The following ADAM10 variants were observed in gnomAD, a reference collection of about 807,000 sequenced individuals.
ADAM10 encodes ADAM metallopeptidase domain 10.
A neutral mutation model predicts 90.1 loss-of-function variants in ADAM10; 17 were observed. That is an observed-to-expected ratio of 0.19 (90% CI 0.13 to 0.28). The LOEUF (loss-of-function observed/expected upper bound fraction) is 0.28, where lower values mean the gene tolerates loss of function less well. Ranked by LOEUF, ADAM10 falls within the 10% of genes least tolerant of loss-of-function variation. ADAM10 has a pLI of 1.00. For synonymous variants in ADAM10, 310 were observed against 298.6 expected (o/e 1.04, Z -0.40); for missense variants, 610 against 914.3 (o/e 0.67, Z 4.29).
intron 5 of ADAM10, among the ~76,000 whole-genome samples, chr15:58,657,966 A>G (rs1896872978): frequency 6.6e-6 from 1 of 151,242 alleles, no homozygotes; most frequent in African/African-American, 2.4e-5. Context: ...GACATTGTGG[A>G]CATTTTCTCA....
intron 2 of ADAM10, among the ~76,000 whole-genome samples, chr15:58,717,097 T>A (rs936089605): frequency 6.6e-6 from 1 of 152,122 alleles, no homozygotes; most frequent in African/African-American, 2.4e-5. Context: ...TTAACCTCTC[T>A]CCCTTGACTC....
At chr15:58,597,913 TTTC>T (rs1233235915) in intron 15 of ADAM10, among the ~76,000 whole-genome samples, 7 of 152,132 alleles carry the variant, frequency 4.6e-5, no homozygotes, top group Non-Finnish European at 1.0e-4. Flanking sequence ...TAACAAAATA[TTTC>T]TTTTTTTATA....
At chr15:58,614,631 A>G (rs1189910663) in intron 11 of ADAM10, among the ~76,000 whole-genome samples, 1 of 152,186 alleles carries the variant, frequency 6.6e-6, no homozygotes, top group African/African-American at 2.4e-5. Flanking sequence ...CCAAGAGTCT[A>G]TACCCAGCAA....
At chr15:58,619,040 C>A (rs1006775563) in intron 11 of ADAM10, among the ~76,000 whole-genome samples, 41 of 151,958 alleles carry the variant, frequency 2.7e-4, no homozygotes, top group Non-Finnish European at 4.9e-4. Flanking sequence ...AAAAGGGATA[C>A]CTACAGCCCC....
intron 1 of ADAM10, 89 bp from the exon 2 acceptor site, chr15:58,717,816 T>C (rs1898714399): frequency 6.6e-7 from 1 of 1,518,130 alleles, no homozygotes; most frequent in Non-Finnish European, 8.8e-7. Context: ...TATGAATATG[T>C]ATGAAACAAC....
chr15:58,701,014 C>CAAAAAAAAAAAAAAAAAAAAA (rs1257060994), intron 2 of ADAM10, among the ~76,000 whole-genome samples: 1 of 44,924 alleles, frequency 2.2e-5, no homozygotes, highest in Non-Finnish European at 6.1e-5. Flanking sequence ...TAAAAAAAAA[C>CAAAAAAAAAAAAAAAAAAAAA]AAAAAAACAA....
intron 7 of ADAM10, among the ~76,000 whole-genome samples, chr15:58,642,849 C>A (rs1270247157): frequency 6.6e-6 from 1 of 152,102 alleles, no homozygotes; most frequent in Admixed American, 6.5e-5. Flanking sequence ...ATGAACAATT[C>A]TTATACTGTA....
At chr15:58,621,786 G>A (rs1595999607) in intron 10 of ADAM10, among the ~76,000 whole-genome samples, 165 bp from the exon 11 acceptor site, 1 of 152,130 alleles carries the variant, frequency 6.6e-6, no homozygotes, top group East Asian at 1.9e-4. Context: ...TTCTAACAGG[G>A]GGTCTGCTAC....
chr15:58,721,690 G>T, intron 1 of ADAM10, among the ~76,000 whole-genome samples: 1 of 152,020 alleles, frequency 6.6e-6, no homozygotes, highest in East Asian at 1.9e-4. Flanking sequence ...TTCAAGACCA[G>T]CCTAGGCAAC....
At chr15:58,746,449 G>C (rs1326595072) in intron 1 of ADAM10, among the ~76,000 whole-genome samples, 1 of 152,180 alleles carries the variant, frequency 6.6e-6, no homozygotes, top group Admixed American at 6.5e-5. Context: ...CATTAATGTA[G>C]GCAATGGTAC....
intron 5 of ADAM10, among the ~76,000 whole-genome samples, chr15:58,648,543 G>T (rs766408689): frequency 6.6e-6 from 1 of 151,990 alleles, no homozygotes. Context: ...TTTAAAGAAA[G>T]GTTTTAAATA....
chr15:58,735,521 T>C (rs2140842658), intron 1 of ADAM10, among the ~76,000 whole-genome samples: 1 of 152,322 alleles, frequency 6.6e-6, no homozygotes, highest in East Asian at 1.9e-4. Context: ...ATACAACCTA[T>C]GCACATACCC....
chr15:58,675,469 C>T (rs1321945340), intron 4 of ADAM10, among the ~76,000 whole-genome samples: 1 of 152,106 alleles, frequency 6.6e-6, no homozygotes, highest in Admixed American at 6.5e-5. Context: ...ATGTTAATAA[C>T]AATACTATTC....
chr15:58,601,119 T>C (rs1284222414), intron 14 of ADAM10, among the ~76,000 whole-genome samples: 3 of 152,168 alleles, frequency 2.0e-5, no homozygotes, highest in African/African-American at 7.2e-5. Flanking sequence ...TGAAAGAGTC[T>C]CAAACTTAAA....
intron 1 of ADAM10, among the ~76,000 whole-genome samples, chr15:58,724,843 G>C (rs1305084018): frequency 1.3e-5 from 2 of 152,210 alleles, no homozygotes; most frequent in Admixed American, 6.5e-5. Context: ...ACCTTGTAAT[G>C]TATGGAGCAT....
intron 5 of ADAM10, among the ~76,000 whole-genome samples, chr15:58,657,368 C>T (rs766205700): frequency 2.8e-4 from 42 of 152,090 alleles, no homozygotes; most frequent in Middle Eastern, 3.4e-3. Flanking sequence ...TATAGGTGTT[C>T]TTCATTCTTT....
chr15:58,625,898 A>G (rs1895927064), intron 10 of ADAM10, among the ~76,000 whole-genome samples: 1 of 152,230 alleles, frequency 6.6e-6, no homozygotes, highest in African/African-American at 2.4e-5. Flanking sequence ...AGAAAAGGCA[A>G]TTCCAAAAGG....
intron 1 of ADAM10, among the ~76,000 whole-genome samples, chr15:58,744,936 A>G (rs1286392082): frequency 1.3e-5 from 2 of 152,238 alleles, no homozygotes; most frequent in African/African-American, 4.8e-5. Flanking sequence ...TAATCCCAGC[A>G]CTTTGGGAGG....
intron 10 of ADAM10, among the ~76,000 whole-genome samples, chr15:58,623,351 G>C (rs1344694735): frequency 6.6e-6 from 1 of 152,144 alleles, no homozygotes; most frequent in Non-Finnish European, 1.5e-5. Flanking sequence ...CCTGATTTCA[G>C]GGCCCCCAGG....
Sources: allele counts gnomAD v4.1 joint callset (sites outside exome capture counted in the v4.1 genomes callset), GRCh38; gene constraint gnomAD v4.1.1; transcripts MANE v1.5; gene names NCBI Gene and HGNC (gene_info 2026-07-23, HGNC 2026-07-21).